The following KNTC1 variants were observed in gnomAD, a reference collection of about 807,000 sequenced individuals.
The protein encoded by KNTC1 is kinetochore associated 1, also known as kinetochore-associated protein 1.
In KNTC1, 253 loss-of-function variants were observed where a neutral mutation model predicts 314.4. The ratio of observed to expected loss-of-function variants is 0.80; its 90% CI spans 0.73 to 0.89. The LOEUF (loss-of-function observed/expected upper bound fraction) is 0.89. Ranked by LOEUF, KNTC1 falls within the 40% of genes least tolerant of loss-of-function variation. KNTC1 has a pLI of 0.00. For missense variants in KNTC1, 2,475 were observed against 2,572.9 expected (o/e 0.96, Z 0.82); for synonymous variants, 901 against 901.4 (o/e 1.00, Z 0.01).
At chr12:122,557,309 G>A in intron 16 of KNTC1, 75 bp from the exon 17 acceptor site, 1 of 1,432,310 alleles carries the variant, frequency 7.0e-7, no homozygotes, top group African/African-American at 1.4e-5. Flanking sequence ...GTTTCACTCA[G>A]CTTACTCTGA....
chr12:122,542,892 TTG>T (rs1265436510), intron 6 of KNTC1, among the ~76,000 whole-genome samples: 1 of 152,098 alleles, frequency 6.6e-6, no homozygotes, highest in Non-Finnish European at 1.5e-5. Context: ...ATTTAACATT[TTG>T]TTTTATTTTA....
chr12:122,603,135 A>G lies in KNTC1; in HGVS notation c.4993A>G (p.Lys1665Glu). 1 of 1,613,844 alleles carries G rather than the reference A, an allele frequency of 6.2e-7. No homozygotes were observed. The highest frequency in any genetic ancestry group is 8.5e-7 in the Non-Finnish European group (1 of 1,179,832). The change falls in exon 48 of 64, where the codon AAG becomes GAG. Residue 1665 changes from lysine to glutamate, a missense_variant. By Grantham distance (56) the Lys-to-Glu change is moderately conservative. Transcript: ENST00000333479. ...AGCTAAATCCTCAACACTGATTAAC[A>G]AGGAAATAACTAAGATCACGCAGAC... ...TQAKSSTLINKEITKITQTIE... is the reference protein window; with the variant it reads ...TQAKSSTLINEEITKITQTIE...
chr12:122,539,785 CTTTTT>C, intron 5 of KNTC1, 31 bp downstream of exon 5: 14 of 1,066,820 alleles, frequency 1.3e-5, no homozygotes, highest in Admixed American at 2.9e-5. Flanking sequence ...TTTTGAATGA[CTTTTT>C]TTTTTTTTTT....
chr12:122,610,742 A>T, intron 52 of KNTC1, 80 bp from the exon 53 acceptor site: 1 of 905,404 alleles, frequency 1.1e-6, no homozygotes, highest in Non-Finnish European at 1.8e-6. Context: ...TGACCGTTCC[A>T]TGGATAGAAA....
chr12:122,543,649 C>G lies in KNTC1; in HGVS notation c.558+15C>G. On this transcript the variant is annotated intron_variant, in intron 7 of 63. Transcript: ENST00000333479. ...CAGCAAAAAAGGTAAGAAAATAAAT[C>G]CATATTGTCCTCTTAAAAAAATTAC... 6.7e-7 allele frequency: 1 copy of G among 1,485,484 alleles called. No homozygotes were observed. 92.0% of individuals were successfully genotyped at this position (1,485,484 alleles called of 1,614,324 possible).
chr12:122,602,178 CAA>C (rs930053792), intron 45 of KNTC1, among the ~76,000 whole-genome samples: 3 of 151,650 alleles, frequency 2.0e-5, no homozygotes, highest in African/African-American at 7.3e-5. Context: ...AAAGATTATA[CAA>C]AGTGTCCTAA....
rs568239064 is a variant in KNTC1 at position 122,600,930 on chromosome 12, T to C, written c.4564-606T>C. Among the ~76,000 whole-genome samples the C allele has an allele frequency of 6.6e-5, 10 of 152,290 alleles. No individual in the cohort carries two copies. The South Asian group carries it at 2.1e-3, about 32-fold the overall frequency. ...ATCCACCCGCCTTGGCCTCCCAAAGTGCTGGGATTACAGGCAAGAGCATCC... is the reference window on the plus strand; with the variant it reads ...ATCCACCCGCCTTGGCCTCCCAAAGCGCTGGGATTACAGGCAAGAGCATCC... On this transcript the variant is annotated intron_variant, in intron 44 of 63. Transcript: ENST00000333479.
chr12:122,616,689 G>C (rs1054161671), intron 57 of KNTC1, among the ~76,000 whole-genome samples: 1 of 152,148 alleles, frequency 6.6e-6, no homozygotes, highest in Non-Finnish European at 1.5e-5. Context: ...GTGGTCTCTG[G>C]AGATTGTTCC....
At chr12:122,602,517 A>G in intron 45 of KNTC1, 52 bp from the exon 46 acceptor site, 1 of 1,100,840 alleles carries the variant, frequency 9.1e-7, no homozygotes, top group Admixed American at 2.5e-5. Context: ...ATTTTATGAC[A>G]GTTTAGGATT....
rs1432996083 is a variant in KNTC1, at chr12:122,542,132, G to A, written c.523+5G>A. 7.6e-6 allele frequency: 11 copies of A among 1,439,552 alleles called. No homozygotes were observed. Among genetic ancestry groups the A allele is most frequent in the African/African-American group, 1.4e-5 (1 of 70,230 alleles). 89.2% of individuals were successfully genotyped at this position (1,439,552 alleles called of 1,614,324 possible). ...AGCTTTTAAAAATTCAACAAGGTAA[G>A]TAATACATTATATTTTTATTATTGA... On this transcript the variant is annotated splice_donor_5th_base_variant and intron_variant, in intron 6 of 63. Coordinates refer to ENST00000333479, the MANE Select transcript of KNTC1 (RefSeq NM_014708.6).
At chr12:122,567,029 C>T (rs948683697) in intron 20 of KNTC1, among the ~76,000 whole-genome samples, 15 of 151,674 alleles carry the variant, frequency 9.9e-5, no homozygotes, top group African/African-American at 2.9e-4. Context: ...GCCACTGTGG[C>T]TGGCTGCCAT....
intron 13 of KNTC1, among the ~76,000 whole-genome samples, 177 bp from the exon 14 acceptor site, chr12:122,551,142 C>G (rs1963166219): frequency 1.6e-5 from 2 of 123,842 alleles, no homozygotes; most frequent in African/African-American, 8.0e-5. Context: ...GCCATTTTTT[C>G]CCAGTGTTTT....
rs751430815 is a variant in KNTC1, at chr12:122,620,492, G to T, written c.6163G>T (p.Gly2055Cys). 1.9e-6 allele frequency: 3 copies of T among 1,613,000 alleles called. No individual in the cohort carries two copies. The South Asian group carries it at 3.3e-5, about 18-fold the overall frequency. Reference protein sequence around the residue: ...LIAVLECPVSGDLDLIGVARQ... With the variant: ...LIAVLECPVSCDLDLIGVARQ... ...TCTCTCTCGAAGATGTCCAGTCTCA[G>T]GTGATCTTGACCTGATCGGAGTCGC... The change falls in exon 60 of 64, where the codon GGT (glycine) becomes TGT (cysteine). Residue 2055 changes from glycine (G) to cysteine (C), a missense_variant. Gly to Cys is a radical substitution (Grantham distance 159). Transcript: ENST00000333479.
chr12:122,545,866 G>A (rs1170850354), intron 8 of KNTC1, among the ~76,000 whole-genome samples: 3 of 151,656 alleles, frequency 2.0e-5, no homozygotes, highest in African/African-American at 4.8e-5. Flanking sequence ...TGGGAGGATC[G>A]CTTGAGCCCA....
rs1173447375 is a variant in KNTC1, at chr12:122,622,328, A to G, written c.6370-134A>G. The G allele has an allele frequency of 6.4e-6, 5 of 776,258 alleles. No homozygotes were observed. The Middle Eastern group carries it at 1.1e-3, about 172-fold the overall frequency. The allele number at this position is 776,258 out of a possible 1,614,324, so 48.1% of individuals were successfully genotyped here. On this transcript the variant is annotated intron_variant, in intron 61 of 63. Coordinates refer to ENST00000333479, the MANE Select transcript of KNTC1 (RefSeq NM_014708.6). ...CAAAAAGGAGGCGCAGTCACAATGC[A>G]GTGCTAATTGGGCTTCCGATTGTCA...
chr12:122,544,370 C>A, intron 8 of KNTC1, 101 bp downstream of exon 8: 3 of 624,868 alleles, frequency 4.8e-6, no homozygotes, highest in East Asian at 3.1e-5. Context: ...TAACATATAA[C>A]CGAAACAAGG....
intron 20 of KNTC1, among the ~76,000 whole-genome samples, chr12:122,565,699 C>A (rs868446355): frequency 6.6e-6 from 1 of 151,852 alleles, no homozygotes; most frequent in South Asian, 2.1e-4. Context: ...GCTTGGGCAA[C>A]ATAGTGAAAC....
chr12:122,562,592 AT>A lies in KNTC1; in HGVS notation c.1543-45del, dbSNP rs60949643. 1.5e-3 allele frequency: 1,663 copies of A among 1,100,508 alleles called. 21 individuals carry two copies. In the African/African-American group the frequency reaches 0.023, roughly 15 times the overall value. The allele number at this position is 1,100,508 out of a possible 1,614,324, so 68.2% of individuals were successfully genotyped here. On this transcript the variant is annotated intron_variant, in intron 19 of 63. Coordinates refer to ENST00000333479, the MANE Select transcript of KNTC1 (RefSeq NM_014708.6). ...ATTCATTTTTAATGTTTTAATTTCA[AT>A]ATTGTTGCATATAAATTCAGATTAT...
chr12:122,610,271 C>G (rs537129834), intron 52 of KNTC1, among the ~76,000 whole-genome samples: 2 of 152,270 alleles, frequency 1.3e-5, no homozygotes, highest in South Asian at 4.1e-4. Flanking sequence ...CGTGGAAGGT[C>G]TTGGAGGGAA....
Sources: gnomAD v4.1 joint callset for allele counts (sites outside exome capture counted in the v4.1 genomes callset) on GRCh38, gnomAD v4.1.1 for gene constraint, MANE v1.5 for transcripts, NCBI Gene and HGNC (gene_info 2026-07-23, HGNC 2026-07-21) for gene names.